ARHGAP32: variants seen among roughly 807,000 people sequenced by gnomAD.
ARHGAP32 encodes the protein rho GTPase-activating protein 32.
Under a neutral mutation model 186.5 loss-of-function variants are expected in ARHGAP32, and 51 were observed. The ratio of observed to expected loss-of-function variants is 0.27; its 90% CI spans 0.22 to 0.35. The LOEUF (loss-of-function observed/expected upper bound fraction) is 0.35. ARHGAP32 is among the 10% of genes least tolerant of loss of function. ARHGAP32 has a pLI of 1.00. For missense variants in ARHGAP32, 2,186 were observed against 2,623.5 expected (o/e 0.83, Z 3.64); for synonymous variants, 950 against 964.3 (o/e 0.99, Z 0.27).
intron 1 of ARHGAP32, among the ~76,000 whole-genome samples, chr11:129,253,133 CTGAGA>C (rs1316301776): frequency 1.3e-5 from 2 of 152,226 alleles, no homozygotes; most frequent in South Asian, 2.1e-4. Flanking sequence ...ATCAAATAAG[CTGAGA>C]TATGTTTTGG....
chr11:129,079,059 G>A (rs945563135), intron 6 of ARHGAP32, among the ~76,000 whole-genome samples: 29 of 151,772 alleles, frequency 1.9e-4, no homozygotes, highest in Non-Finnish European at 5.9e-5. Flanking sequence ...ATCCAACAAA[G>A]ACAAAGGAAA....
At chr11:129,077,260 G>C (rs894029732) in intron 6 of ARHGAP32, among the ~76,000 whole-genome samples, 16 of 152,244 alleles carry the variant, frequency 1.1e-4, no homozygotes, top group African/African-American at 3.9e-4. Flanking sequence ...TTGATGAAGC[G>C]CAAATTTTCC....
chr11:129,267,173 A>T (rs1945413205), intron 1 of ARHGAP32, among the ~76,000 whole-genome samples: 1 of 152,190 alleles, frequency 6.6e-6, no homozygotes, highest in Admixed American at 6.5e-5. Context: ...CAACCTGGCC[A>T]ACATGGTGAA....
chr11:129,206,622 T>C (rs1944517794), intron 1 of ARHGAP32, among the ~76,000 whole-genome samples: 1 of 152,146 alleles, frequency 6.6e-6, no homozygotes, highest in South Asian at 2.1e-4. Flanking sequence ...CCTTCCTCCA[T>C]TTTTTATTAT....
intron 1 of ARHGAP32, among the ~76,000 whole-genome samples, chr11:129,235,777 G>C (rs1359347159): frequency 6.6e-6 from 1 of 151,828 alleles, no homozygotes; most frequent in East Asian, 1.9e-4. Context: ...CATCCTCATA[G>C]CTTAGTTCCC....
chr11:129,014,294 T>C (rs144927978), intron 11 of ARHGAP32, among the ~76,000 whole-genome samples: 7 of 152,286 alleles, frequency 4.6e-5, no homozygotes, highest in Non-Finnish European at 1.0e-4. Context: ...AACCAGTTTA[T>C]AGAGAGATAC....
chr11:129,207,642 G>C (rs1345706066), intron 1 of ARHGAP32, among the ~76,000 whole-genome samples: 1 of 151,716 alleles, frequency 6.6e-6, no homozygotes, highest in Admixed American at 6.6e-5. Context: ...GTAGCCCTTT[G>C]TCAGATGGAT....
intron 10 of ARHGAP32, among the ~76,000 whole-genome samples, chr11:129,060,074 TA>T (rs1443867900): frequency 6.6e-6 from 1 of 152,226 alleles, no homozygotes; most frequent in Non-Finnish European, 1.5e-5. Flanking sequence ...AGTTTTAGAC[TA>T]GTTAATTTAT....
At chr11:128,997,470 T>C (rs565990082) in intron 12 of ARHGAP32, among the ~76,000 whole-genome samples, 3 of 152,330 alleles carry the variant, frequency 2.0e-5, no homozygotes, top group East Asian at 3.9e-4. Context: ...AAAGGCACAA[T>C]GGGTATTTCC....
chr11:129,250,174 AC>A (rs1945160830), intron 1 of ARHGAP32, among the ~76,000 whole-genome samples: 1 of 152,102 alleles, frequency 6.6e-6, no homozygotes, highest in East Asian at 1.9e-4. Context: ...CTATGATCAC[AC>A]CACTGCACTC....
upstream of ARHGAP32, among the ~76,000 whole-genome samples, chr11:129,194,850 C>T (rs747763115): frequency 5.3e-5 from 8 of 150,474 alleles, no homozygotes; most frequent in Non-Finnish European, 1.0e-4. Context: ...TCTTTCATGA[C>T]CTTCAGTAAA....
At chr11:129,006,605 T>C (rs1937785602) in intron 11 of ARHGAP32, among the ~76,000 whole-genome samples, 1 of 152,224 alleles carries the variant, frequency 6.6e-6, no homozygotes, top group Non-Finnish European at 1.5e-5. Flanking sequence ...GTCTCTGTGA[T>C]AAGCTACCTG....
At chr11:129,067,010 C>T (rs1003395429) in intron 6 of ARHGAP32, 142 bp from the exon 7 acceptor site, 2 of 693,572 alleles carry the variant, frequency 2.9e-6, no homozygotes, top group African/African-American at 3.6e-5. Flanking sequence ...TAGTTAATAG[C>T]TAAAACTGTG....
intron 13 of ARHGAP32, 130 bp from the exon 14 acceptor site, chr11:128,986,798 T>C (rs977359513): frequency 1.3e-6 from 1 of 796,124 alleles, no homozygotes; most frequent in South Asian, 2.1e-5. Context: ...CTTCCATTAA[T>C]TATATTTCAT....
At chr11:129,033,690 A>G (rs1219177742) in intron 11 of ARHGAP32, among the ~76,000 whole-genome samples, 1 of 152,218 alleles carries the variant, frequency 6.6e-6, no homozygotes, top group Non-Finnish European at 1.5e-5. Context: ...ATTATCTTCT[A>G]AAAGTTTTAT....
chr11:129,126,821 C>T (rs1454340879), intron 2 of ARHGAP32, among the ~76,000 whole-genome samples: 1 of 152,072 alleles, frequency 6.6e-6, no homozygotes, highest in Non-Finnish European at 1.5e-5. Flanking sequence ...TCTGCGACAA[C>T]CTGGATCACC....
At chr11:129,184,802 T>C (rs1200380989) in intron 1 of ARHGAP32, among the ~76,000 whole-genome samples, 1 of 152,076 alleles carries the variant, frequency 6.6e-6, no homozygotes, top group Non-Finnish European at 1.5e-5. Context: ...AAGAACATGT[T>C]ACCTACAAAG....
upstream of ARHGAP32, among the ~76,000 whole-genome samples, chr11:129,192,434 G>A (rs530471436): frequency 1.3e-5 from 2 of 152,210 alleles, no homozygotes; most frequent in South Asian, 4.2e-4. Context: ...CTTAGGCTGC[G>A]TGACCTACAT....
At chr11:129,171,775 C>T (rs970922229) in intron 1 of ARHGAP32, among the ~76,000 whole-genome samples, 4 of 152,212 alleles carry the variant, frequency 2.6e-5, no homozygotes, top group African/African-American at 4.8e-5. Context: ...TGGCCATTTT[C>T]ACAATACTGA....
Sources: gnomAD v4.1 joint callset for allele counts (sites outside exome capture counted in the v4.1 genomes callset) on GRCh38, gnomAD v4.1.1 for gene constraint, MANE v1.5 for transcripts, NCBI Gene and HGNC (gene_info 2026-07-23, HGNC 2026-07-21) for gene names.